TRIM33: variants seen among roughly 807,000 people sequenced by gnomAD.
The protein encoded by TRIM33 is E3 ubiquitin-protein ligase TRIM33.
Under a neutral mutation model 125.4 loss-of-function variants are expected in TRIM33, and 20 were observed. The observed-to-expected ratio is 0.16, with a 90% CI of 0.11 to 0.23. The LOEUF (loss-of-function observed/expected upper bound fraction) is 0.23, where lower values mean the gene tolerates loss of function less well. Among genes scored for constraint, TRIM33 ranks in the 10% least tolerant of loss-of-function variants. The pLI is 1.00. For missense variants in TRIM33, 920 were observed against 1,411.4 expected, an observed-to-expected ratio of 0.65 and a Z score of 5.58; for synonymous variants, 564 against 513.9, an observed-to-expected ratio of 1.10 and a Z score of -1.32.
At chr1:114,434,754 C>T (rs1021307612) in intron 4 of TRIM33, among the ~76,000 whole-genome samples, 6 of 152,078 alleles carry the variant, frequency 3.9e-5, no homozygotes, top group South Asian at 2.1e-4. Flanking sequence ...CAAAATGATA[C>T]CATACTGTGA....
At chr1:114,462,797 G>A (rs1029496463) in intron 4 of TRIM33, among the ~76,000 whole-genome samples, 2 of 151,698 alleles carry the variant, frequency 1.3e-5, no homozygotes, top group Non-Finnish European at 2.9e-5. Flanking sequence ...AAATACTATA[G>A]GACACCAAGA....
intron 1 of TRIM33, among the ~76,000 whole-genome samples, chr1:114,480,476 T>TAAAAAA (rs61241613): frequency 1.3e-5 from 1 of 77,872 alleles, no homozygotes; most frequent in Non-Finnish European, 2.4e-5. Context: ...ATGATCAATT[T>TAAAAAA]AAAAAAAAAA....
At chr1:114,405,325 G>T in intron 15 of TRIM33, 85 bp downstream of exon 15, 1 of 1,028,042 alleles carries the variant, frequency 9.7e-7, no homozygotes. Flanking sequence ...GCACTGGTTA[G>T]AAGGCCATCT....
At position 114,511,048 on chromosome 1, in the gene TRIM33, G is replaced by C. The variant is rs770307041; in HGVS notation, c.29C>G (p.Ala10Gly). 9 of 1,307,508 alleles carry C rather than the reference G, an allele frequency of 6.9e-6. No homozygotes were observed. In the South Asian group the frequency reaches 1.7e-4, roughly 24 times the overall value. 81.0% of individuals were successfully genotyped at this position (1,307,508 alleles called of 1,614,324 possible). A position where few individuals can be genotyped will look rare whatever the true frequency, so the allele number is the denominator to read the frequency against. The change falls in exon 1 of 20, where the codon GCT (alanine) becomes GGT (glycine). Residue 10 changes from alanine to glycine, a missense_variant. This residue lies in a region of TRIM33 where 233 missense variants were observed against 189.6 expected (regional missense o/e 1.23). Coordinates refer to ENST00000358465, the MANE Select transcript of TRIM33 (RefSeq NM_015906.4). ...GCCGCTGCCCCCGCCGCCGCTCTCA[G>C]CCTCGCCGCCGCCTTTGTTTTCCGC... MAENKGGGE[A>G]ESGGGGSGSA... is the part of the protein sequence containing the mutation.
intron 11 of TRIM33, among the ~76,000 whole-genome samples, chr1:114,414,743 A>ATCCC (rs1359292301): frequency 6.6e-6 from 1 of 152,128 alleles, no homozygotes; most frequent in Non-Finnish European, 1.5e-5. Context: ...GGTCTCTCTT[A>ATCCC]TCCCTACTGT....
At chr1:114,410,896 GT>G (rs1394931926) in intron 11 of TRIM33, among the ~76,000 whole-genome samples, 1 of 152,070 alleles carries the variant, frequency 6.6e-6, no homozygotes, top group East Asian at 1.9e-4. Context: ...CTGAACGTCA[GT>G]TTCCTATCCT....
chr1:114,423,159 T>C (rs1369707500), intron 10 of TRIM33, among the ~76,000 whole-genome samples: 1 of 152,204 alleles, frequency 6.6e-6, no homozygotes, highest in Non-Finnish European at 1.5e-5. Context: ...ACCCATTTTG[T>C]TTCAACAATT....
At chr1:114,482,841 G>A (rs1651442700) in intron 1 of TRIM33, among the ~76,000 whole-genome samples, 1 of 152,190 alleles carries the variant, frequency 6.6e-6, no homozygotes, top group Non-Finnish European at 1.5e-5. Flanking sequence ...TTTCTGCCAT[G>A]ATTGTTTCTT....
chr1:114,488,805 C>A (rs1274330865), intron 1 of TRIM33, among the ~76,000 whole-genome samples: 2 of 151,970 alleles, frequency 1.3e-5, no homozygotes, highest in Non-Finnish European at 1.5e-5. Context: ...TCCAGAAGAA[C>A]CAAAACGATC....
In TRIM33 at chr1:114,393,588, A is replaced by T; in HGVS notation, c.*4060T>A. 4.8e-6 allele frequency: 1 copy of T among 208,910 alleles called. No homozygotes were observed. The highest frequency in any genetic ancestry group is 9.8e-6 in the Non-Finnish European group (1 of 102,330). The allele number at this position is 208,910 out of a possible 1,614,324, so 12.9% of individuals were successfully genotyped here. On this transcript the variant is annotated 3_prime_UTR_variant, in exon 20 of 20. Transcript: ENST00000358465. ...TTTTGTTTCTTCGATACAATAAAAA[A>T]TATATAAAGGACCACATAGGCAAAC...
At chr1:114,478,380 C>G (rs556575282) in intron 1 of TRIM33, among the ~76,000 whole-genome samples, 26 of 152,166 alleles carry the variant, frequency 1.7e-4, no homozygotes, top group Middle Eastern at 6.8e-3. Context: ...ACAGGTTTTG[C>G]TATACCTGGG....
intron 4 of TRIM33, among the ~76,000 whole-genome samples, chr1:114,436,581 C>T (rs1229064553): frequency 6.6e-6 from 1 of 152,036 alleles, no homozygotes; most frequent in Non-Finnish European, 1.5e-5. Context: ...TTCTCCTCCT[C>T]AGCCTCCCGA....
At chr1:114,402,101 G>C (rs919577345) in intron 16 of TRIM33, among the ~76,000 whole-genome samples, 1 of 152,044 alleles carries the variant, frequency 6.6e-6, no homozygotes, top group Non-Finnish European at 1.5e-5. Context: ...ATGACCACAC[G>C]ACAATGCAAA....
At chr1:114,458,459 G>C (rs1649752557) in intron 4 of TRIM33, among the ~76,000 whole-genome samples, 1 of 152,022 alleles carries the variant, frequency 6.6e-6, no homozygotes, top group Admixed American at 6.6e-5. Context: ...TAATTCAACT[G>C]GTCCTGTGAC....
At chr1:114,408,831 C>T in intron 12 of TRIM33, 91 bp from the exon 13 acceptor site, 2 of 889,396 alleles carry the variant, frequency 2.2e-6, no homozygotes, top group Non-Finnish European at 3.4e-6. Context: ...TTATTATAAC[C>T]CAGCTAAAAA....
chr1:114,446,641 A>T (rs1367973782), intron 4 of TRIM33, among the ~76,000 whole-genome samples: 1 of 152,216 alleles, frequency 6.6e-6, no homozygotes, highest in East Asian at 1.9e-4. Context: ...ATAATGCAGC[A>T]AAGAGACAAC....
intron 4 of TRIM33, among the ~76,000 whole-genome samples, chr1:114,441,066 C>T (rs770949319): frequency 1.4e-4 from 21 of 152,202 alleles, no homozygotes; most frequent in Non-Finnish European, 2.2e-4. Flanking sequence ...GCAACAATTT[C>T]GGAGGCTGAA....
At chr1:114,410,695 A>G (rs1041938277) in intron 11 of TRIM33, among the ~76,000 whole-genome samples, 1 of 152,134 alleles carries the variant, frequency 6.6e-6, no homozygotes, top group Admixed American at 6.5e-5. Context: ...AAATGTAATT[A>G]TGTTAGTACC....
At chr1:114,427,996 T>C (rs1647699276) in intron 6 of TRIM33, 102 bp from the exon 7 acceptor site, 5 of 1,200,112 alleles carry the variant, frequency 4.2e-6, no homozygotes, top group Non-Finnish European at 4.7e-6. Flanking sequence ...CCTTTAAAAA[T>C]GGGCTAAGTG....
Sources: allele counts gnomAD v4.1 joint callset (sites outside exome capture counted in the v4.1 genomes callset), GRCh38; gene constraint gnomAD v4.1.1; regional missense constraint gnomAD v4.1.1; transcripts MANE v1.5; gene names NCBI Gene and HGNC (gene_info 2026-07-23, HGNC 2026-07-21).